Variants in KHDRBS2 observed in about 807,000 individuals in gnomAD.
The protein encoded by KHDRBS2 is KH domain-containing, RNA-binding, signal transduction-associated protein 2.
Under a neutral mutation model 44.3 loss-of-function variants are expected in KHDRBS2, and 26 were observed. That is an observed-to-expected ratio of 0.59 (90% CI 0.43 to 0.81). KHDRBS2 has a LOEUF of 0.81. Ranked by LOEUF, KHDRBS2 falls within the 40% of genes least tolerant of loss-of-function variation. KHDRBS2 has a pLI of 0.00. For missense variants in KHDRBS2, 476 were observed against 433.1 expected (o/e 1.10, Z -0.88); for synonymous variants, 194 against 151.1 (o/e 1.28, Z -2.08).
At chr6:61,571,425 T>C in the KHDRBS2 span, among the ~76,000 whole-genome samples, 81 of 152,168 alleles carry the variant, frequency 5.3e-4, no homozygotes, top group African/African-American at 1.9e-3. Context: ...ATAAAACAAT[T>C]ACTACTAGAC....
chr6:62,143,576 T>G (rs1381482501), intron 2 of KHDRBS2, among the ~76,000 whole-genome samples: 1 of 152,008 alleles, frequency 6.6e-6, no homozygotes, highest in Non-Finnish European at 1.5e-5. Flanking sequence ...TATTCTCCTC[T>G]GGAGTCTTCT....
At chr6:62,230,470 T>C (rs1832719041) in intron 1 of KHDRBS2, among the ~76,000 whole-genome samples, 1 of 152,136 alleles carries the variant, frequency 6.6e-6, no homozygotes, top group Admixed American at 6.5e-5. Flanking sequence ...CCTTCCATCT[T>C]TTTAAACATT....
chr6:61,670,446 A>G, the KHDRBS2 span, among the ~76,000 whole-genome samples: 1 of 151,478 alleles, frequency 6.6e-6, no homozygotes, highest in Non-Finnish European at 1.5e-5. Flanking sequence ...CTAAATAATT[A>G]TTTACTGGTC....
intron 6 of KHDRBS2, among the ~76,000 whole-genome samples, chr6:61,848,493 A>G (rs181321840): frequency 0.054 from 2,620 of 48,228 alleles, 258 homozygotes; most frequent in African/African-American, 0.19. Flanking sequence ...ATATATATGT[A>G]TATATATATA....
the KHDRBS2 span, among the ~76,000 whole-genome samples, chr6:61,668,523 T>C: frequency 1.8e-3 from 267 of 151,206 alleles, 1 homozygote; most frequent in African/African-American, 6.2e-3. Context: ...AGTTGAATGT[T>C]CTTTTTTCAC....
At chr6:61,571,185 A>G in the KHDRBS2 span, among the ~76,000 whole-genome samples, 206 of 152,216 alleles carry the variant, frequency 1.4e-3, no homozygotes, top group Middle Eastern at 6.8e-3. Context: ...CTCGCCTAAT[A>G]TATAATGACT....
At chr6:62,108,334 C>A in intron 2 of KHDRBS2, among the ~76,000 whole-genome samples, 1 of 152,122 alleles carries the variant, frequency 6.6e-6, no homozygotes, top group Non-Finnish European at 1.5e-5. Context: ...GCCAAAAAAA[C>A]ACATGAAAAA....
chr6:61,880,479 A>C (rs150127450), intron 6 of KHDRBS2, among the ~76,000 whole-genome samples: 1 of 151,956 alleles, frequency 6.6e-6, no homozygotes, highest in African/African-American at 2.4e-5. Context: ...GAAAATCTCA[A>C]ACAAAATCTA....
At chr6:61,902,270 C>A (rs891316064) in intron 4 of KHDRBS2, among the ~76,000 whole-genome samples, 3 of 152,076 alleles carry the variant, frequency 2.0e-5, no homozygotes, top group Admixed American at 6.6e-5. Flanking sequence ...TATTTAAACA[C>A]AACAAATTTT....
intron 2 of KHDRBS2, among the ~76,000 whole-genome samples, chr6:62,064,087 C>A (rs1212445234): frequency 9.4e-6 from 1 of 105,978 alleles, no homozygotes; most frequent in Non-Finnish European, 2.1e-5. Flanking sequence ...CGTGAAGGAC[C>A]TCTTCAAGGA....
intron 6 of KHDRBS2, among the ~76,000 whole-genome samples, chr6:61,766,163 T>C (rs1009474073): frequency 6.6e-6 from 1 of 152,082 alleles, no homozygotes; most frequent in African/African-American, 2.4e-5. Flanking sequence ...TTACTGGTTA[T>C]TGGTCTGGTC....
the KHDRBS2 span, among the ~76,000 whole-genome samples, chr6:61,632,042 G>A: frequency 1.3e-5 from 2 of 152,122 alleles, no homozygotes; most frequent in African/African-American, 4.8e-5. Flanking sequence ...CTAGATGAAG[G>A]TACTAGTGTC....
chr6:61,888,965 A>C (rs979863580), intron 6 of KHDRBS2, among the ~76,000 whole-genome samples: 6 of 152,060 alleles, frequency 3.9e-5, no homozygotes, highest in African/African-American at 1.4e-4. Context: ...GCTTTTTAAA[A>C]ATTTTACTAA....
the KHDRBS2 span, among the ~76,000 whole-genome samples, chr6:61,659,327 G>T: frequency 6.6e-6 from 1 of 151,718 alleles, no homozygotes; most frequent in African/African-American, 2.4e-5. Flanking sequence ...TGATAATCAA[G>T]TACTCCTAGA....
the KHDRBS2 span, among the ~76,000 whole-genome samples, chr6:61,595,011 A>G: frequency 6.6e-6 from 1 of 152,104 alleles, no homozygotes; most frequent in African/African-American, 2.4e-5. Context: ...ACATAACAAA[A>G]TCAGCATCAG....
chr6:61,905,394 T>C (rs549820939), intron 4 of KHDRBS2, among the ~76,000 whole-genome samples: 24 of 151,884 alleles, frequency 1.6e-4, no homozygotes, highest in Non-Finnish European at 2.9e-4. Flanking sequence ...ATGAAGTTTC[T>C]AGGTGCAGAA....
intron 2 of KHDRBS2, among the ~76,000 whole-genome samples, chr6:62,108,897 G>A (rs912875820): frequency 1.3e-5 from 2 of 152,094 alleles, no homozygotes; most frequent in Admixed American, 6.5e-5. Context: ...ATTGAACAAT[G>A]AGAACACATG....
chr6:61,616,658 G>A, the KHDRBS2 span, among the ~76,000 whole-genome samples: 2 of 152,006 alleles, frequency 1.3e-5, no homozygotes, highest in South Asian at 4.1e-4. Context: ...TGCACATGTA[G>A]TGTTGCCTGT....
chr6:62,171,109 T>C (rs1585048552), intron 2 of KHDRBS2, among the ~76,000 whole-genome samples: 1 of 151,964 alleles, frequency 6.6e-6, no homozygotes, highest in African/African-American at 2.4e-5. Flanking sequence ...CCAACAATGG[T>C]TCTTAACCAG....
Sources: allele counts gnomAD v4.1 joint callset (sites outside exome capture counted in the v4.1 genomes callset), GRCh38; gene constraint gnomAD v4.1.1; transcripts MANE v1.5; gene names NCBI Gene and HGNC (gene_info 2026-07-23, HGNC 2026-07-21).